POLN: variants seen among roughly 807,000 people sequenced by gnomAD.
POLN encodes the protein DNA polymerase N.
POLN carries 108 observed loss-of-function variants against 113.5 expected under a neutral mutation model. That is an observed-to-expected ratio of 0.95 (90% confidence interval 0.81 to 1.12). The LOEUF (loss-of-function observed/expected upper bound fraction) is 1.12, where lower values mean the gene tolerates loss of function less well. Among genes scored for constraint, POLN ranks in the 50% most tolerant of loss-of-function variants. The probability of loss-of-function intolerance (pLI) is 0.00; values close to 1 mark genes in which losing one functional copy is unlikely to be tolerated. For synonymous variants in POLN, 386 were observed against 391.5 expected (o/e 0.99, Z 0.17); for missense variants, 1,097 against 1,077.1 (o/e 1.02, Z -0.26).
chr4:2,163,051 A>AAAAAT (rs1732639892), intron 13 of POLN, among the ~76,000 whole-genome samples: 2 of 134,750 alleles, frequency 1.5e-5, no homozygotes, highest in Non-Finnish European at 1.6e-5. Flanking sequence ...AAAAAAAAAA[A>AAAAAT]CTCCTGCCAG....
At chr4:2,134,719 G>A (rs1444077959) in intron 16 of POLN, among the ~76,000 whole-genome samples, 1 of 152,162 alleles carries the variant, frequency 6.6e-6, no homozygotes, top group East Asian at 1.9e-4. Flanking sequence ...CTGGGGGTCT[G>A]TCACAATGCT....
intron 3 of POLN, among the ~76,000 whole-genome samples, chr4:2,216,422 T>C (rs1243847515): frequency 4.6e-5 from 7 of 152,216 alleles, no homozygotes; most frequent in African/African-American, 1.7e-4. Context: ...GGTTAGTGAT[T>C]TGCAGTGCAG....
At chr4:2,134,847 G>A (rs1439978855) in intron 16 of POLN, among the ~76,000 whole-genome samples, 2 of 152,162 alleles carry the variant, frequency 1.3e-5, no homozygotes, top group East Asian at 1.9e-4. Flanking sequence ...TATGTAATAC[G>A]TGCGTGTTTA....
intron 23 of POLN, 94 bp from the exon 24 acceptor site, chr4:2,075,613 C>T (rs1200453883): frequency 1.4e-6 from 2 of 1,383,304 alleles, no homozygotes; most frequent in Non-Finnish European, 2.0e-6. Context: ...CCTGGGAGGC[C>T]AGGACTGTGA....
intron 23 of POLN, chr4:2,079,404 A>G: frequency 2.0e-6 from 2 of 982,272 alleles, no homozygotes; most frequent in Non-Finnish European, 2.4e-6. Flanking sequence ...CACCATGAGA[A>G]CACTGTGGGG....
rs373832094 is a variant in POLN, at chr4:2,083,980, T to G, written c.2197+1633A>C. On this transcript the variant is annotated intron_variant, in intron 21 of 25. Transcript: ENST00000511885. ...AGCGTCAGAGTGAGTCTGCTCCAGC[T>G]GGGGCAGCCAAGTGCCCCGTGGAGA... 4.6e-5 allele frequency among the ~76,000 whole-genome samples: 7 copies of G among 152,342 alleles called. No individual in the cohort carries two copies. The East Asian group carries it at 5.8e-4, about 13-fold the overall frequency.
intron 9 of POLN, among the ~76,000 whole-genome samples, 166 bp downstream of exon 9, chr4:2,176,100 C>T (rs1732988020): frequency 6.6e-6 from 1 of 152,194 alleles, no homozygotes; most frequent in African/African-American, 2.4e-5. Flanking sequence ...AACTTCAGTT[C>T]TTATCATTCT....
intron 19 of POLN, among the ~76,000 whole-genome samples, chr4:2,102,636 G>A (rs1463601489): frequency 6.6e-6 from 1 of 152,116 alleles, no homozygotes; most frequent in East Asian, 1.9e-4. Context: ...GCCAATACAG[G>A]TGCCAGCATA....
At chr4:2,188,940 T>C (rs926121126) in intron 7 of POLN, among the ~76,000 whole-genome samples, 6 of 152,206 alleles carry the variant, frequency 3.9e-5, no homozygotes, top group South Asian at 2.1e-4. Flanking sequence ...TTTCTATTCT[T>C]TTCTTTGTAA....
intron 13 of POLN, among the ~76,000 whole-genome samples, chr4:2,162,926 C>G (rs564990728): frequency 6.8e-6 from 1 of 148,080 alleles, no homozygotes; most frequent in Non-Finnish European, 1.5e-5. Flanking sequence ...ATTCAATAGA[C>G]TATGTCCTTA....
chr4:2,088,351 T>C (rs1245396918), intron 20 of POLN, among the ~76,000 whole-genome samples: 8 of 152,198 alleles, frequency 5.3e-5, no homozygotes, highest in Non-Finnish European at 7.3e-5. Context: ...GTGCTGGCAT[T>C]TTCGTTTATG....
chr4:2,085,630 G>A lies in POLN; in HGVS notation c.2180C>T (p.Ala727Val), dbSNP rs1369134476. 1.2e-6 allele frequency: 2 copies of A among 1,614,032 alleles called. No individual in the cohort carries two copies. Among genetic ancestry groups the A allele is most frequent in the Admixed American group, 3.3e-5 (2 of 60,028 alleles). The change falls in exon 21 of 26, where the codon GCC becomes GTC. Residue 727 changes from alanine (A) to valine (V), a missense_variant. Transcript: ENST00000511885. Reference sequence around the variant, plus strand: ...CAACTCACCTGTCTGGTGACACTGGGCAATAGCTGCTCGGGCGAAGTCCTT... The same window carrying A: ...CAACTCACCTGTCTGGTGACACTGGACAATAGCTGCTCGGGCGAAGTCCTT... ...KIKDFARAAI[A>V]QCHQTGCVVS...
intron 24 of POLN, 26 bp downstream of exon 24, chr4:2,075,426 A>G (rs1187357362): frequency 1.2e-6 from 2 of 1,612,280 alleles, no homozygotes; most frequent in Non-Finnish European, 1.7e-6. Flanking sequence ...GTGATGTCCA[A>G]GCAACCCTGT....
rs1365029329 is a variant in POLN, at chr4:2,241,610, A to G, written c.-103T>C. ...AGCAGCAGGGAAGCGCGCGGCCACA[A>G]TTAAGGGTGCTTCGGGCCGGCCTTC... On this transcript the variant is annotated 5_prime_UTR_variant, in exon 2 of 26. Coordinates refer to ENST00000511885, the MANE Select transcript of POLN (RefSeq NM_181808.4). 7 of 985,454 alleles carry G rather than the reference A, an allele frequency of 7.1e-6. No homozygotes were observed. The highest frequency in any genetic ancestry group is 8.4e-6 in the Non-Finnish European group (7 of 829,986). 61.0% of individuals were successfully genotyped at this position (985,454 alleles called of 1,614,324 possible).
intron 17 of POLN, 46 bp from the exon 18 acceptor site, chr4:2,129,302 G>A (rs1473148148): frequency 8.4e-7 from 1 of 1,184,474 alleles, no homozygotes; most frequent in South Asian, 1.2e-5. Flanking sequence ...GTCATGAACT[G>A]ATGCATAGCT....
At chr4:2,135,813 G>C (rs559166414) in intron 16 of POLN, among the ~76,000 whole-genome samples, 1 of 152,150 alleles carries the variant, frequency 6.6e-6, no homozygotes, top group African/African-American at 2.4e-5. Flanking sequence ...TCTAGCAAGC[G>C]GCTGCCGTCA....
In POLN at chr4:2,081,710, G is replaced by T; in HGVS notation, c.2231C>A (p.Pro744His). The T allele has an allele frequency of 3.7e-6, 6 of 1,614,066 alleles. No individual in the cohort carries two copies. Among genetic ancestry groups the T allele is most frequent in the Non-Finnish European group, 5.1e-6 (6 of 1,179,990 alleles). Residue 744 changes from proline (P) to histidine (H), a missense_variant, in exon 22 of 26, where the codon CCC (proline) becomes CAC (histidine). Transcript: ENST00000511885. ...CVVSIMGRRRPLPRIHAHDQQ... is the reference protein window; with the variant it reads ...CVVSIMGRRRHLPRIHAHDQQ... ...GTCATGAGCGTGAATCCTTGGCAGG[G>T]GTCTCCTTCTGCCCATGATGGACAC...
At chr4:2,178,039 G>C (rs929711673) in intron 8 of POLN, among the ~76,000 whole-genome samples, 1 of 152,230 alleles carries the variant, frequency 6.6e-6, no homozygotes, top group Non-Finnish European at 1.5e-5. Context: ...TATTAAGGGA[G>C]AGTGCATTTC....
intron 2 of POLN, chr4:2,236,205 TAAC>T (rs1283401990): frequency 8.4e-6 from 12 of 1,430,068 alleles, no homozygotes; most frequent in Non-Finnish European, 1.2e-5. Context: ...AAAGCATTTT[TAAC>T]TACTATGGCA....
Sources: gnomAD v4.1 joint callset for allele counts (sites outside exome capture counted in the v4.1 genomes callset) on GRCh38, gnomAD v4.1.1 for gene constraint, MANE v1.5 for transcripts, NCBI Gene and HGNC (gene_info 2026-07-23, HGNC 2026-07-21) for gene names.